Variants in IRX6 observed in about 807,000 individuals in gnomAD.
IRX6 encodes the protein iroquois-class homeodomain protein IRX-6.
A neutral mutation model predicts 47.7 loss-of-function variants in IRX6; 46 were observed. The ratio of observed to expected loss-of-function variants is 0.96; its 90% CI spans 0.76 to 1.23. The LOEUF (loss-of-function observed/expected upper bound fraction) is 1.23. IRX6 is among the 50% of genes most tolerant of loss of function. The pLI, the probability that IRX6 is intolerant of heterozygous loss-of-function variation, is 0.00. For synonymous variants in IRX6, 265 were observed against 246.2 expected (o/e 1.08, Z -0.72); for missense variants, 722 against 588.0 (o/e 1.23, Z -2.36).
intron 1 of IRX6, 22 bp downstream of exon 1, chr16:55,325,158 G>A (rs765163109): frequency 1.2e-6 from 2 of 1,612,550 alleles, no homozygotes; most frequent in Non-Finnish European, 8.5e-7. Context: ...CTCTATGGGG[G>A]ATAGGGGACA....
At position 55,324,685 on chromosome 16, in the gene IRX6, G is replaced by C. The variant is rs368042901; in HGVS notation, c.-407G>C. 1.0e-4 allele frequency: 22 copies of C among 218,234 alleles called. 2 individuals carry two copies. In the East Asian group the frequency reaches 1.0e-3, roughly 10 times the overall value. 13.5% of individuals were successfully genotyped at this position (218,234 alleles called of 1,614,324 possible). A position where few individuals can be genotyped will look rare whatever the true frequency, so the allele number is the denominator to read the frequency against. Reference sequence around the variant, plus strand: ...GCACGCTTGGTGGCCCAGGGTCCCGGGGCCCGGGGTCCCGTCTGGCGGCCC... The same window carrying C: ...GCACGCTTGGTGGCCCAGGGTCCCGCGGCCCGGGGTCCCGTCTGGCGGCCC... On this transcript the variant is annotated 5_prime_UTR_variant, in exon 1 of 6. Transcript: ENST00000290552. This position sits in a 1 kb window ranked among gnomAD's most constrained non-coding sequence, Gnocchi z 4.4.
intron 1 of IRX6, among the ~76,000 whole-genome samples, 178 bp downstream of exon 1, chr16:55,325,314 A>G (rs969586108): frequency 2.6e-5 from 4 of 151,086 alleles, no homozygotes; most frequent in Admixed American, 6.6e-5. Context: ...AGAACGTTTC[A>G]CCCCGGAGTG....
intron 1 of IRX6, 27 bp downstream of exon 1, chr16:55,325,163 G>C (rs778159482): frequency 1.2e-6 from 2 of 1,610,610 alleles, no homozygotes; most frequent in Non-Finnish European, 1.7e-6. Context: ...TGGGGGATAG[G>C]GGACAGACTG....
rs1478051478 is a variant in IRX6 at position 55,329,283 on chromosome 16, G to A, written c.1305G>A (p.Val435=). The change falls in exon 5 of 6, where the codon GTG becomes GTA. Residue 435 remains valine, a synonymous_variant. Transcript: ENST00000290552. ...GCCCGCGGAGGAGCGAGCCTGTAGT[G>A]CAGTGCCAGTACCCGTCTGGAGCAG... ...APCPRRSEPV[V]QCQYPSGAEA... The A allele has an allele frequency of 2.5e-6, 4 of 1,610,732 alleles. No individual in the cohort carries two copies. The highest frequency in any genetic ancestry group is 1.7e-6 in the Non-Finnish European group (2 of 1,178,630).
rs1960519185 is a variant in IRX6, at chr16:55,326,264, C to CA, written c.46-72_46-71insA. The CA allele has an allele frequency of 3.0e-6, 4 of 1,313,142 alleles. 1 individual carries two copies. In the South Asian group the frequency reaches 6.0e-5, roughly 20 times the overall value. The allele number at this position is 1,313,142 out of a possible 1,614,324, so 81.3% of individuals were successfully genotyped here. The stretch of plus-strand genomic sequence containing the variant: ...TTTTCTCTTCTTTGTTTCTAGCTCC[C>CA]TTCAGCGGGAGCGGGGGCGGGGGTG... On this transcript the variant is annotated intron_variant, in intron 1 of 5. Coordinates refer to ENST00000290552, the MANE Select transcript of IRX6 (RefSeq NM_024335.3).
In IRX6 at chr16:55,327,613, C is replaced by G. The variant is rs753795050; in HGVS notation, c.441C>G (p.Ala147=). The G allele has an allele frequency of 4.4e-6, 7 of 1,607,316 alleles. No homozygotes were observed. Among genetic ancestry groups the G allele is most frequent in the Non-Finnish European group, 5.9e-6 (7 of 1,177,482 alleles). The part of the protein sequence containing the change: ...ERYGAVELSG[A]GRRKNATRET... ...ATGGCGCAGTGGAATTGAGTGGCGC[C>G]GGTCGCCGAAAGAACGCGACCCGGG... The change falls in exon 4 of 6, where the codon GCC becomes GCG. Residue 147 remains alanine, a synonymous_variant. Coordinates refer to ENST00000290552, the MANE Select transcript of IRX6 (RefSeq NM_024335.3).
chr16:55,325,510 G>A (rs80111111), intron 1 of IRX6, among the ~76,000 whole-genome samples: 9,859 of 20,202 alleles, frequency 0.49, 3,512 homozygotes, highest in East Asian at 0.82. Flanking sequence ...AAGGAAGGAA[G>A]GAAGGAAGGA....
In IRX6 at chr16:55,326,585, G is replaced by T. The variant is rs745889713; in HGVS notation, c.295G>T (p.Gly99Trp). The stretch of plus-strand genomic sequence containing the variant: ...TAGCCCAGAGCCCCCCTCACTGTAT[G>T]GGGCACTGGTGAGTACAGGGGTGGA... ...PYSPEPPSLYGALNPQYEFKE... is the reference protein window; with the variant it reads ...PYSPEPPSLYWALNPQYEFKE... Residue 99 changes from glycine to tryptophan, a missense_variant, in exon 2 of 6, where the codon GGG (glycine) becomes TGG (tryptophan). Gly to Trp is a radical substitution (Grantham distance 184). Transcript: ENST00000290552. 1.3e-6 allele frequency: 2 copies of T among 1,552,256 alleles called. No homozygotes were observed. Among genetic ancestry groups the T allele is most frequent in the African/African-American group, 2.7e-5 (2 of 73,564 alleles).
intron 2 of IRX6, chr16:55,326,972 G>GGGGGGGGGGGGGGA (rs1960541622): frequency 9.6e-6 from 1 of 103,902 alleles, no homozygotes; most frequent in Non-Finnish European, 1.7e-5. Flanking sequence ...GGGGTGGGGG[G>GGGGGGGGGGGGGGA]CAGTAAGGGG....
intron 2 of IRX6, 162 bp downstream of exon 2, chr16:55,326,755 C>T: frequency 1.6e-6 from 1 of 631,910 alleles, no homozygotes; most frequent in Non-Finnish European, 2.5e-6. Flanking sequence ...GAACTTCATA[C>T]TGTTTAGAAA....
Position 55,326,317 on chromosome 16 carries a change from C to T in IRX6, c.46-19C>T, listed in dbSNP as rs776306138. The T allele has an allele frequency of 6.3e-7, 1 of 1,594,586 alleles. No homozygotes were observed. The highest frequency in any genetic ancestry group is 2.2e-5 in the East Asian group (1 of 44,476). ...GGGGGGGTCTCTGACCTCCAGTGCC[C>T]TCTTTCTTGCCCCTATAGTTTCTGG... On this transcript the variant is annotated intron_variant, in intron 1 of 5. Coordinates refer to ENST00000290552, the MANE Select transcript of IRX6 (RefSeq NM_024335.3).
chr16:55,327,813 C>T lies in IRX6; in HGVS notation c.641C>T (p.Pro214Leu), dbSNP rs112947250. 6.2e-7 allele frequency: 1 copy of T among 1,612,928 alleles called. No individual in the cohort carries two copies. The highest frequency in any genetic ancestry group is 8.5e-7 in the Non-Finnish European group (1 of 1,179,828). ...LKKENKMTWA[P>L]KNKGGEERKA... is the part of the protein sequence containing the mutation. The stretch of plus-strand genomic sequence containing the variant: ...AAAGAGAACAAAATGACATGGGCGC[C>T]CAAGAACAAAGGTGGGGAGGAGAGG... The change falls in exon 4 of 6, where the codon CCC (proline) becomes CTC (leucine). Residue 214 changes from proline (P) to leucine (L), a missense_variant. Physicochemically the swap from Pro to Leu is moderately conservative, Grantham distance 98 (BLOSUM62 -3). Transcript: ENST00000290552.
rs1285729569 is a variant in IRX6 at position 55,324,765 on chromosome 16, C to A, written c.-327C>A. The A allele has an allele frequency of 4.8e-6, 2 of 413,952 alleles. No homozygotes were observed. Among genetic ancestry groups the A allele is most frequent in the Non-Finnish European group, 8.9e-6 (2 of 225,814 alleles). 25.6% of individuals were successfully genotyped at this position (413,952 alleles called of 1,614,324 possible). On this transcript the variant is annotated 5_prime_UTR_variant, in exon 1 of 6. Coordinates refer to ENST00000290552, the MANE Select transcript of IRX6 (RefSeq NM_024335.3). The surrounding 1 kb of genome is among the most constrained non-coding windows in gnomAD (Gnocchi z 4.4). ...TGGCCACCTTGGACTGGGACACCTC[C>A]GGAGCCTCACAGCCCCGCGCCGCGC... is the stretch of plus-strand genomic sequence containing the variant.
Position 55,328,936 on chromosome 16 carries a change from G to T in IRX6, c.958G>T (p.Asp320Tyr). The change falls in exon 5 of 6, where the codon GAC becomes TAC. Residue 320 changes from aspartate to tyrosine, a missense_variant. Asp to Tyr is a radical substitution (Grantham distance 160, BLOSUM62 -3). Transcript: ENST00000290552. ...GGCTGCGCCCCGCTTCTCCTTCAAT[G>T]ACCCTTCCGGATCGGAAGAAGCTGA... is the stretch of plus-strand genomic sequence containing the variant. Reference protein sequence around the residue: ...GLAAPRFSFNDPSGSEEADFL... With the variant: ...GLAAPRFSFNYPSGSEEADFL... The T allele has an allele frequency of 6.2e-7, 1 of 1,613,494 alleles. No homozygotes were observed. Among genetic ancestry groups the T allele is most frequent in the Non-Finnish European group, 8.5e-7 (1 of 1,180,030 alleles).
Position 55,330,386 on chromosome 16 carries a change from A to T in IRX6, c.*81A>T, listed in dbSNP as rs1567341018. 1 of 1,390,350 alleles carries T rather than the reference A, an allele frequency of 7.2e-7. No individual in the cohort carries two copies. The highest frequency in any genetic ancestry group is 2.3e-5 in the East Asian group (1 of 43,830). 86.1% of individuals were successfully genotyped at this position (1,390,350 alleles called of 1,614,324 possible). A position where few individuals can be genotyped will look rare whatever the true frequency, so the allele number is the denominator to read the frequency against. On this transcript the variant is annotated 3_prime_UTR_variant, in exon 6 of 6. Coordinates refer to ENST00000290552, the MANE Select transcript of IRX6 (RefSeq NM_024335.3). ...CATCTCCAGGTTAAGAAGCTGCCAG[A>T]CCTTGCCAGGGACCAGGAGCTCTCA... is the stretch of plus-strand genomic sequence containing the variant.
intron 5 of IRX6, among the ~76,000 whole-genome samples, chr16:55,329,688 T>C (rs1197348843): frequency 1.6e-5 from 1 of 62,076 alleles, no homozygotes; most frequent in Non-Finnish European, 3.5e-5. Context: ...CAGAGGAGAC[T>C]CGCTGGTCCC....
At chr16:55,327,968 C>G in intron 4 of IRX6, 75 bp downstream of exon 4, 1 of 1,455,454 alleles carries the variant, frequency 6.9e-7, no homozygotes, top group Non-Finnish European at 9.2e-7. Context: ...AAAAGCTGCC[C>G]TGTAGGGTAG....
Position 55,324,895 on chromosome 16 carries a change from C to T in IRX6, c.-197C>T. The T allele has an allele frequency of 1.6e-6, 1 of 607,946 alleles. No homozygotes were observed. Among genetic ancestry groups the T allele is most frequent in the Non-Finnish European group, 2.9e-6 (1 of 341,982 alleles). 37.7% of individuals were successfully genotyped at this position (607,946 alleles called of 1,614,324 possible). On this transcript the variant is annotated 5_prime_UTR_variant, in exon 1 of 6. Coordinates refer to ENST00000290552, the MANE Select transcript of IRX6 (RefSeq NM_024335.3). The surrounding 1 kb of genome is among the most constrained non-coding windows in gnomAD (Gnocchi z 4.4). ...TTCCGGACCCCACGGGCCGGAGGGG[C>T]GCCTTCCGGAGCGCAGGGCTCGGCA...
In IRX6 at chr16:55,328,657, T is replaced by C. The variant is rs1399698136; in HGVS notation, c.722-43T>C. 1.1e-5 allele frequency: 18 copies of C among 1,596,274 alleles called. No homozygotes were observed. In the Middle Eastern group the frequency reaches 5.0e-4, roughly 45 times the overall value. ...GGGATGGACATTCCTCGGATTTCCC[T>C]TGGGCCCTGGGGCTTTTCTCACTCG... On this transcript the variant is annotated intron_variant, in intron 4 of 5. Coordinates refer to ENST00000290552, the MANE Select transcript of IRX6 (RefSeq NM_024335.3).
Sources: gnomAD v4.1 joint callset for allele counts (sites outside exome capture counted in the v4.1 genomes callset) on GRCh38, gnomAD v4.1.1 for gene constraint, Gnocchi (gnomAD v3.1) non-coding constraint, MANE v1.5 for transcripts, NCBI Gene and HGNC (gene_info 2026-07-23, HGNC 2026-07-21) for gene names.